The following MAP4K5 variants were observed in gnomAD, a reference collection of about 807,000 sequenced individuals.
The protein encoded by MAP4K5 is mitogen-activated protein kinase kinase kinase kinase 5, also known as MAPK/ERK kinase kinase kinase 5.
A neutral mutation model predicts 135.6 loss-of-function variants in MAP4K5; 82 were observed. The observed-to-expected ratio is 0.60, with a 90% CI of 0.51 to 0.73. The LOEUF is 0.73. MAP4K5 is among the 30% of genes least tolerant of loss of function. The pLI is 0.00. For synonymous variants in MAP4K5, 347 were observed against 335.0 expected (o/e 1.04, Z -0.39); for missense variants, 907 against 1,010.9 (o/e 0.90, Z 1.39).
At chr14:50,480,841 T>G (rs1273175398) in intron 6 of MAP4K5, among the ~76,000 whole-genome samples, 1 of 152,162 alleles carries the variant, frequency 6.6e-6, no homozygotes, top group East Asian at 1.9e-4. Context: ...TGTACTGATA[T>G]TGTAGGAACT....
At chr14:50,435,767 A>T (rs1461962442) in intron 26 of MAP4K5, among the ~76,000 whole-genome samples, 1 of 152,066 alleles carries the variant, frequency 6.6e-6, no homozygotes, top group Non-Finnish European at 1.5e-5. Context: ...GTATGTATTA[A>T]TTTATCATGA....
chr14:50,542,535 GA>G (rs2038578953), exon 2 of MAP4K5: 1 of 152,214 alleles, frequency 6.6e-6, no homozygotes, highest in Non-Finnish European at 1.5e-5. Flanking sequence ...ATGGGCAGCA[GA>G]ATTCCGTTGT....
chr14:50,441,864 T>G (rs2036238260), intron 21 of MAP4K5, among the ~76,000 whole-genome samples: 1 of 151,816 alleles, frequency 6.6e-6, no homozygotes, highest in Non-Finnish European at 1.5e-5. Flanking sequence ...TAACCTGTCT[T>G]TATTATTAAG....
rs2035770814 is a variant in MAP4K5, at chr14:50,423,171, G to T, written c.2403C>A (p.Thr801=). 3 of 1,535,002 alleles carry T rather than the reference G, an allele frequency of 2.0e-6. No individual in the cohort carries two copies. The South Asian group carries it at 3.5e-5, about 18-fold the overall frequency. The change falls in exon 32 of 33, where the codon ACC becomes ACA. Residue 801 remains threonine (T), a synonymous_variant. Transcript: ENST00000682126. ...QGKSFKSDEV[T]QEISDETRVF... Reference sequence around the variant, plus strand: ...CTCTTGTTTCATCTGAAATCTCCTGGGTAACCTAGGAAAGAAAAATACCTA... The same window carrying T: ...CTCTTGTTTCATCTGAAATCTCCTGTGTAACCTAGGAAAGAAAAATACCTA...
chr14:50,426,021 G>A (rs1397126969), intron 30 of MAP4K5, 44 bp from the exon 31 acceptor site: 11 of 1,188,654 alleles, frequency 9.3e-6, no homozygotes, highest in South Asian at 1.3e-5. Flanking sequence ...AAAGCACAGA[G>A]CATTTCACTA....
chr14:50,436,452 C>CA (rs780074753), intron 26 of MAP4K5, among the ~76,000 whole-genome samples: 2 of 151,900 alleles, frequency 1.3e-5, no homozygotes, highest in Non-Finnish European at 2.9e-5. Flanking sequence ...GCCAGAAATA[C>CA]AAAAAATGTG....
intron 31 of MAP4K5, among the ~76,000 whole-genome samples, chr14:50,424,302 T>C (rs191730632): frequency 6.6e-6 from 1 of 152,050 alleles, no homozygotes; most frequent in Admixed American, 6.5e-5. Context: ...AGTTCAGAGA[T>C]GTTCTAATCA....
chr14:50,510,442 G>C (rs928418969), intron 2 of MAP4K5, among the ~76,000 whole-genome samples: 12 of 152,264 alleles, frequency 7.9e-5, no homozygotes, highest in Admixed American at 7.8e-4. Flanking sequence ...GCTGGATTAA[G>C]TGTGTTGTCA....
chr14:50,516,848 G>A (rs971540683), intron 2 of MAP4K5, among the ~76,000 whole-genome samples: 5 of 152,116 alleles, frequency 3.3e-5, no homozygotes, highest in Non-Finnish European at 7.4e-5. Context: ...GACAAATTCA[G>A]ATCTCTAAAT....
intron 2 of MAP4K5, among the ~76,000 whole-genome samples, chr14:50,515,079 T>C (rs948544814): frequency 2.0e-5 from 3 of 152,148 alleles, no homozygotes; most frequent in Admixed American, 2.0e-4. Flanking sequence ...AATTTTTGTA[T>C]TTTTAGTACA....
chr14:50,496,619 C>T (rs1166827843), intron 3 of MAP4K5, among the ~76,000 whole-genome samples: 1 of 151,864 alleles, frequency 6.6e-6, no homozygotes, highest in African/African-American at 2.4e-5. Flanking sequence ...AGTGATCCTC[C>T]TGCCTCAGTG....
At chr14:50,541,290 G>C (rs2038557085) in intron 2 of MAP4K5, among the ~76,000 whole-genome samples, 2 of 152,076 alleles carry the variant, frequency 1.3e-5, no homozygotes, top group African/African-American at 4.8e-5. Flanking sequence ...CTTTTATCTT[G>C]ATAACATTAT....
chr14:50,422,284 C>G (rs2139607903), intron 32 of MAP4K5, among the ~76,000 whole-genome samples: 1 of 152,174 alleles, frequency 6.6e-6, no homozygotes, highest in South Asian at 2.1e-4. Flanking sequence ...GTGGGCTTAC[C>G]TTTTCTATTC....
intron 2 of MAP4K5, among the ~76,000 whole-genome samples, chr14:50,511,215 C>T (rs2037923501): frequency 6.6e-6 from 1 of 152,066 alleles, no homozygotes; most frequent in South Asian, 2.1e-4. Context: ...AAATGGAATA[C>T]TATTTAGCCA....
intron 2 of MAP4K5, among the ~76,000 whole-genome samples, chr14:50,531,200 A>C (rs1295097972): frequency 6.6e-6 from 1 of 152,190 alleles, no homozygotes; most frequent in Non-Finnish European, 1.5e-5. Context: ...GCTTCTCTAC[A>C]ATGTTTTTTA....
In MAP4K5 at chr14:50,475,876, T is replaced by C. The variant is rs138049397; in HGVS notation, c.469+252A>G. 4.7e-4 allele frequency among the ~76,000 whole-genome samples: 72 copies of C among 152,354 alleles called. 1 individual carries two copies. Among genetic ancestry groups the C allele is most frequent in the African/African-American group, 1.7e-3 (69 of 41,594 alleles). On this transcript the variant is annotated intron_variant, in intron 8 of 32. Coordinates refer to ENST00000682126, the MANE Select transcript of MAP4K5 (RefSeq NM_006575.6). ...CAGTTTTTCTATTGCTAGACTTACA[T>C]TTGCATTTTTTCTACCACAAGTAAT...
At chr14:50,463,919 A>C (rs1002028271) in intron 12 of MAP4K5, 133 bp downstream of exon 12, 2 of 211,582 alleles carry the variant, frequency 9.5e-6, no homozygotes, top group Admixed American at 7.6e-5. Context: ...AAAAAAAAAA[A>C]AAAAAAAAAG....
chr14:50,425,142 G>A (rs1314551703), intron 31 of MAP4K5, among the ~76,000 whole-genome samples: 2 of 66,284 alleles, frequency 3.0e-5, no homozygotes, highest in South Asian at 8.1e-4. Flanking sequence ...AAGTATTCAC[G>A]TAAATGTGAA....
intron 20 of MAP4K5, among the ~76,000 whole-genome samples, chr14:50,443,487 T>G (rs1238362871): frequency 6.6e-6 from 1 of 152,216 alleles, no homozygotes; most frequent in Non-Finnish European, 1.5e-5. Context: ...GCATTAAAAT[T>G]AAATAGGCCT....
Sources: gnomAD v4.1 joint callset for allele counts (sites outside exome capture counted in the v4.1 genomes callset) on GRCh38, gnomAD v4.1.1 for gene constraint, MANE v1.5 for transcripts, NCBI Gene and HGNC (gene_info 2026-07-23, HGNC 2026-07-21) for gene names.